Variants in PDE4D observed in about 807,000 individuals in gnomAD.
PDE4D encodes 3',5'-cyclic-AMP phosphodiesterase 4D.
In PDE4D, 24 loss-of-function variants were observed where a neutral mutation model predicts 87.4. That is an observed-to-expected ratio of 0.27 (90% confidence interval 0.20 to 0.39). PDE4D has a LOEUF of 0.39. PDE4D is among the 10% of genes least tolerant of loss of function. The pLI is 1.00. For synonymous variants in PDE4D, 384 were observed against 383.2 expected (o/e 1.00, Z -0.02); for missense variants, 714 against 1,041.0 (o/e 0.69, Z 4.32).
chr5:59,205,249 G>A (rs181580852), intron 2 of PDE4D, among the ~76,000 whole-genome samples: 8 of 152,044 alleles, frequency 5.3e-5, no homozygotes, highest in African/African-American at 1.9e-4. Context: ...CTTTTATTCT[G>A]AGATTATGCT....
At chr5:59,985,096 C>T (rs1203335123) in intron 3 of PDE4D, among the ~76,000 whole-genome samples, 1 of 146,538 alleles carries the variant, frequency 6.8e-6, no homozygotes, top group Admixed American at 7.0e-5. Flanking sequence ...AAAATGGCTA[C>T]AGAATATAAG....
intron 1 of PDE4D, among the ~76,000 whole-genome samples, chr5:59,825,755 C>T (rs111524234): frequency 2.0e-5 from 3 of 152,306 alleles, no homozygotes; most frequent in African/African-American, 4.8e-5. Flanking sequence ...GGTACTTTAA[C>T]AACCACTGCA....
At chr5:59,115,097 CAGG>C (rs143200266) in intron 5 of PDE4D, among the ~76,000 whole-genome samples, 40,248 of 151,566 alleles carry the variant, frequency 0.27, 5,499 homozygotes, top group African/African-American at 0.29. Flanking sequence ...GAGCAATGTC[CAGG>C]AGGAGACATT....
rs1561402852 is a variant in PDE4D, at chr5:59,649,904, C to CTTGTTTTTTTTTTTTT, written c.455+243263_455+243264insAAAAAAAAAAAAACAA. ...TGTTAAAATGTTGATAGTTTGTGAA[C>CTTGTTTTTTTTTTTTT]CTTTTTTTTTTTTTTTTTTTTTTTT... On this transcript the variant is annotated intron_variant, in intron 1 of 14. Coordinates refer to ENST00000340635, the MANE Select transcript of PDE4D (RefSeq NM_001104631.2). Among the ~76,000 whole-genome samples the CTTGTTTTTTTTTTTTT allele has an allele frequency of 6.8e-5, 5 of 73,960 alleles. 1 individual carries two copies. Among genetic ancestry groups the CTTGTTTTTTTTTTTTT allele is most frequent in the African/African-American group, 2.6e-4 (5 of 19,054 alleles). The allele number at this position is 73,960 out of a possible 152,430, so 48.5% of individuals were successfully genotyped here.
chr5:59,224,885 C>T (rs1753398260), intron 1 of PDE4D, among the ~76,000 whole-genome samples: 1 of 152,174 alleles, frequency 6.6e-6, no homozygotes, highest in African/African-American at 2.4e-5. Flanking sequence ...TCTTGGACTT[C>T]TCAGCATCCA....
At chr5:59,495,913 C>G (rs1239350281) in intron 1 of PDE4D, among the ~76,000 whole-genome samples, 1 of 152,106 alleles carries the variant, frequency 6.6e-6, no homozygotes, top group Non-Finnish European at 1.5e-5. Flanking sequence ...CTACCATGGG[C>G]TCTTTCAGTT....
chr5:59,499,681 C>A (rs1419300070), intron 1 of PDE4D, among the ~76,000 whole-genome samples: 2 of 151,886 alleles, frequency 1.3e-5, no homozygotes, highest in African/African-American at 2.4e-5. Flanking sequence ...AGAGGAGATG[C>A]ATAAATTTCT....
At chr5:59,758,714 AT>A (rs1033606512) in intron 1 of PDE4D, among the ~76,000 whole-genome samples, 4 of 152,084 alleles carry the variant, frequency 2.6e-5, no homozygotes, top group African/African-American at 9.7e-5. Flanking sequence ...AAGGCCCTGA[AT>A]CCTATTTATG....
At chr5:59,029,294 G>A (rs1580389689) in intron 6 of PDE4D, among the ~76,000 whole-genome samples, 1 of 150,960 alleles carries the variant, frequency 6.6e-6, no homozygotes, top group African/African-American at 2.4e-5. Flanking sequence ...GCAGGCGCCT[G>A]TAGTCCCAGC....
chr5:59,093,371 A>G (rs1164262164), intron 5 of PDE4D, among the ~76,000 whole-genome samples: 1 of 152,178 alleles, frequency 6.6e-6, no homozygotes, highest in Non-Finnish European at 1.5e-5. Flanking sequence ...AACTGATGAT[A>G]CTAGGCACTG....
chr5:60,093,129 T>C (rs1029629372), intron 2 of PDE4D, among the ~76,000 whole-genome samples: 4 of 152,220 alleles, frequency 2.6e-5, no homozygotes, highest in Non-Finnish European at 4.4e-5. Flanking sequence ...GTATGGAATC[T>C]TTCTGAAGAA....
chr5:59,941,370 G>A (rs375310735), intron 3 of PDE4D, among the ~76,000 whole-genome samples: 9 of 152,114 alleles, frequency 5.9e-5, no homozygotes, highest in African/African-American at 2.2e-4. Context: ...TAATACAATC[G>A]AATTGTGTCT....
At chr5:59,244,668 ATG>A (rs1162437569) in intron 1 of PDE4D, among the ~76,000 whole-genome samples, 1 of 107,012 alleles carries the variant, frequency 9.3e-6, no homozygotes, top group Admixed American at 1.2e-4. Context: ...ATATGTATGT[ATG>A]TGTGTGTGTC....
Position 59,730,381 on chromosome 5 carries a change from A to G in PDE4D, c.455+162787T>C, listed in dbSNP as rs578050318. Among the ~76,000 whole-genome samples, 89 of 152,268 alleles carry G rather than the reference A, an allele frequency of 5.8e-4. No individual in the cohort carries two copies. The South Asian group carries it at 0.012, about 21-fold the overall frequency. ...CAAACCAGGGTAATTAAAAAATTAG[A>G]ATGCAGTTATTTATTTTATTAGTAT... On this transcript the variant is annotated intron_variant, in intron 1 of 14. Transcript: ENST00000340635.
At chr5:59,481,675 G>A (rs1012836391) in intron 1 of PDE4D, among the ~76,000 whole-genome samples, 3 of 152,060 alleles carry the variant, frequency 2.0e-5, no homozygotes, top group Admixed American at 1.3e-4. Flanking sequence ...AAGCCTTCAT[G>A]ATTTGACTTT....
chr5:59,257,317 G>C (rs1214339157), intron 1 of PDE4D, among the ~76,000 whole-genome samples: 2 of 151,936 alleles, frequency 1.3e-5, no homozygotes. Flanking sequence ...AGGGTGGCCA[G>C]GAAAAAGAAC....
chr5:59,592,887 C>T (rs905305258), intron 1 of PDE4D, among the ~76,000 whole-genome samples: 6 of 151,812 alleles, frequency 4.0e-5, no homozygotes, highest in African/African-American at 4.8e-5. Context: ...TAATTTTGAC[C>T]AACGCATGAA....
At chr5:59,686,817 T>C (rs900728119) in intron 1 of PDE4D, among the ~76,000 whole-genome samples, 13 of 152,170 alleles carry the variant, frequency 8.5e-5, no homozygotes, top group African/African-American at 3.1e-4. Flanking sequence ...GTGAGAAAGA[T>C]GATGGATCAA....
chr5:60,244,068 C>CA, intron 1 of PDE4D, among the ~76,000 whole-genome samples: 1 of 151,780 alleles, frequency 6.6e-6, no homozygotes, highest in East Asian at 1.9e-4. Flanking sequence ...AAGACTCTCT[C>CA]AAAAAAATAT....
Sources: allele counts gnomAD v4.1 joint callset (sites outside exome capture counted in the v4.1 genomes callset), GRCh38; gene constraint gnomAD v4.1.1; transcripts MANE v1.5; gene names NCBI Gene and HGNC (gene_info 2026-07-23, HGNC 2026-07-21).